Variants in GALNT9 observed in about 807,000 individuals in gnomAD.
The protein encoded by GALNT9 is GalNAc transferase 9.
GALNT9 carries 47 observed loss-of-function variants against 63.1 expected under a neutral mutation model. The observed-to-expected ratio is 0.75, with a 90% CI of 0.59 to 0.95. GALNT9 has a LOEUF of 0.95. GALNT9 is among the 40% of genes least tolerant of loss of function. The probability of loss-of-function intolerance (pLI) is 0.00; values close to 1 mark genes in which losing one functional copy is unlikely to be tolerated. For missense variants in GALNT9, 829 were observed against 874.8 expected, an observed-to-expected ratio of 0.95 and a Z score of 0.66; for synonymous variants, 396 against 365.7, an observed-to-expected ratio of 1.08 and a Z score of -0.94.
chr12:132,206,744 C>A (rs1876721303), intron 6 of GALNT9, among the ~76,000 whole-genome samples: 2 of 151,978 alleles, frequency 1.3e-5, no homozygotes, highest in Non-Finnish European at 2.9e-5. Context: ...CAGCCGGCAA[C>A]TGGGAGGAGG....
chr12:132,318,468 A>G (rs1426759585), intron 1 of GALNT9, among the ~76,000 whole-genome samples: 4 of 152,210 alleles, frequency 2.6e-5, no homozygotes, highest in African/African-American at 9.7e-5. Context: ...CAGGGGCCTC[A>G]GGCCACCAGG....
intron 4 of GALNT9, among the ~76,000 whole-genome samples, chr12:132,258,687 C>T (rs562283731): frequency 6.6e-5 from 10 of 152,222 alleles, no homozygotes; most frequent in Admixed American, 1.3e-4. Context: ...CAATGGGGGG[C>T]GAGGAGGGCA....
Position 132,291,483 on chromosome 12 carries a change from ACCCACAACCACAGCG to A in GALNT9, c.239-5068_239-5054del, listed in dbSNP as rs1272098737. On this transcript the variant is annotated intron_variant, in intron 1 of 10. Transcript: ENST00000328957. ...CATCCACAGCACCCACGTCCACAGC[ACCCACAACCACAGCG>A]CCCACGTCCACACCACCCACATCCA... Among the ~76,000 whole-genome samples the A allele has an allele frequency of 5.3e-4, 72 of 135,322 alleles. 2 individuals are homozygous for A. Among genetic ancestry groups the A allele is most frequent in the African/African-American group, 1.9e-3 (65 of 34,688 alleles). The allele number at this position is 135,322 out of a possible 152,430, so 88.8% of individuals were successfully genotyped here.
intron 1 of GALNT9, among the ~76,000 whole-genome samples, chr12:132,313,448 T>G (rs1246005283): frequency 2.3e-5 from 3 of 131,568 alleles, no homozygotes; most frequent in Non-Finnish European, 3.2e-5. Context: ...CATCCATCCA[T>G]CCATCCACTC....
At chr12:132,268,945 G>A (rs1035648625) in intron 2 of GALNT9, among the ~76,000 whole-genome samples, 26 of 152,244 alleles carry the variant, frequency 1.7e-4, no homozygotes, top group Non-Finnish European at 2.2e-4. Context: ...GGGAGGTGGC[G>A]CAGCTGCTTG....
In GALNT9 at chr12:132,196,745, G is replaced by A. The variant is rs891202737; in HGVS notation, c.*362C>T. On this transcript the variant is annotated 3_prime_UTR_variant, in exon 11 of 11. Transcript: ENST00000328957. The stretch of plus-strand genomic sequence containing the variant: ...GTGGAAGACACCAGGGTGCAGCCTG[G>A]TGCATGGTCCGGGGCTTGGCCTCCC... 8 of 1,036,324 alleles carry A rather than the reference G, an allele frequency of 7.7e-6. No homozygotes were observed. In the Admixed American group the frequency reaches 2.6e-4, roughly 34 times the overall value. 64.2% of individuals were successfully genotyped at this position (1,036,324 alleles called of 1,614,324 possible). A position where few individuals can be genotyped will look rare whatever the true frequency, so the allele number is the denominator to read the frequency against.
intron 1 of GALNT9, among the ~76,000 whole-genome samples, chr12:132,317,386 G>A (rs543407585): frequency 7.9e-5 from 12 of 152,128 alleles, no homozygotes; most frequent in Non-Finnish European, 1.5e-4. Context: ...TTCCACTCGC[G>A]TCCTCACAGT....
At chr12:132,263,756 ATGAAGACTCAAGGGGCCCCACAGGCACCG>A (rs1879494146) in intron 2 of GALNT9, among the ~76,000 whole-genome samples, 1 of 152,206 alleles carries the variant, frequency 6.6e-6, no homozygotes, top group South Asian at 2.1e-4. Flanking sequence ...GAGGGGACAA[ATGAAGACTCAAGGGGCCCCACAGGCACCG>A]GCTGGGCCCG....
intron 6 of GALNT9, among the ~76,000 whole-genome samples, chr12:132,214,942 C>T (rs1374071543): frequency 2.6e-5 from 4 of 152,230 alleles, no homozygotes; most frequent in East Asian, 1.9e-4. Flanking sequence ...CTGTTCTACG[C>T]GGATCTGGAA....
intron 2 of GALNT9, chr12:132,274,707 C>T (rs1213594110): frequency 6.6e-6 from 1 of 152,246 alleles, no homozygotes; most frequent in Non-Finnish European, 1.5e-5. Flanking sequence ...TTTGTTTGAA[C>T]GTAACATTAA....
chr12:132,209,563 G>T (rs1371595952), intron 6 of GALNT9, among the ~76,000 whole-genome samples: 1 of 151,900 alleles, frequency 6.6e-6, no homozygotes, highest in Non-Finnish European at 1.5e-5. Flanking sequence ...CAAACAAACA[G>T]GTTCCAGTAA....
chr12:132,297,543 C>T (rs1022810385), intron 1 of GALNT9, among the ~76,000 whole-genome samples: 11 of 151,860 alleles, frequency 7.2e-5, no homozygotes, highest in East Asian at 3.9e-4. Context: ...CAATCACTCC[C>T]GAGATAAACA....
rs555707332 is a variant in GALNT9, at chr12:132,266,157, A to G, written c.420-3532T>C. Among the ~76,000 whole-genome samples, 62 of 148,050 alleles carry G rather than the reference A, an allele frequency of 4.2e-4. 1 individual carries two copies. The highest frequency in any genetic ancestry group is 1.6e-3 in the African/African-American group (61 of 38,760). ...GGGCCTGTCTGCCTTTACACGCCTG[A>G]CCTCGCCGTATTTCATGAACAGGCA... On this transcript the variant is annotated intron_variant, in intron 2 of 10. Transcript: ENST00000328957.
intron 5 of GALNT9, among the ~76,000 whole-genome samples, chr12:132,253,730 T>G (rs1383060288): frequency 1.3e-5 from 2 of 152,154 alleles, no homozygotes; most frequent in African/African-American, 4.8e-5. Flanking sequence ...ACAGTGAAAA[T>G]TGTTAGGACT....
At chr12:132,285,309 C>G (rs1022088995) in intron 2 of GALNT9, among the ~76,000 whole-genome samples, 2 of 152,404 alleles carry the variant, frequency 1.3e-5, no homozygotes, top group East Asian at 1.9e-4. Context: ...AGCATCCTGT[C>G]GCGGGCTGGG....
At chr12:132,230,157 G>A (rs994590014) in intron 6 of GALNT9, among the ~76,000 whole-genome samples, 57 of 152,070 alleles carry the variant, frequency 3.7e-4, no homozygotes, top group African/African-American at 1.3e-3. Flanking sequence ...GCCCAGCTGT[G>A]GAGAGGCCGC....
In GALNT9 at chr12:132,221,054, A is replaced by T. The variant is rs1191616404; in HGVS notation, c.1078-17364T>A. On this transcript the variant is annotated intron_variant, in intron 6 of 10. Transcript: ENST00000328957. ...CCTGGTGAGAGTGAGATTGTGTCAA[A>T]AAAAAAAAAAAAAAAAAAGGTCTGG... 1.6e-3 allele frequency among the ~76,000 whole-genome samples: 18 copies of T among 11,216 alleles called. 1 individual carries two copies. The highest frequency in any genetic ancestry group is 7.4e-3 in the Admixed American group (10 of 1,360). The allele number at this position is 11,216 out of a possible 152,430, so 7.4% of individuals were successfully genotyped here. A position where few individuals can be genotyped will look rare whatever the true frequency, so the allele number is the denominator to read the frequency against.
intron 7 of GALNT9, 21 bp from the exon 8 acceptor site, chr12:132,201,282 G>GA (rs1565982080): frequency 2.2e-5 from 35 of 1,580,336 alleles, no homozygotes; most frequent in Non-Finnish European, 2.8e-5. Context: ...AGAAGTAGGT[G>GA]AGAGGGTACA....
Position 132,252,272 on chromosome 12 carries a change from CAG to C in GALNT9, c.960-4247_960-4246del, listed in dbSNP as rs1878945610. On this transcript the variant is annotated intron_variant, in intron 5 of 10. Transcript: ENST00000328957. The surrounding 1 kb of genome is among the most constrained non-coding windows in gnomAD (Gnocchi z 5.2). ...CAGGCGGCTGTGAACGCAGGAAGGGCAGAGAGTCCCAGGCACATGGGCACCTC... is the reference window on the plus strand; with the variant it reads ...CAGGCGGCTGTGAACGCAGGAAGGGCAGAGTCCCAGGCACATGGGCACCTC... Among the ~76,000 whole-genome samples the C allele has an allele frequency of 6.6e-6, 1 of 152,174 alleles. No individual in the cohort carries two copies. The highest frequency in any genetic ancestry group is 1.5e-5 in the Non-Finnish European group (1 of 68,024).
Sources: gnomAD v4.1 joint callset for allele counts (sites outside exome capture counted in the v4.1 genomes callset) on GRCh38, gnomAD v4.1.1 for gene constraint, Gnocchi (gnomAD v3.1) non-coding constraint, MANE v1.5 for transcripts, NCBI Gene and HGNC (gene_info 2026-07-23, HGNC 2026-07-21) for gene names.